Variants in TAOK1 observed in about 807,000 individuals in gnomAD.
TAOK1 encodes serine/threonine-protein kinase TAO1.
TAOK1 carries 21 observed loss-of-function variants against 138.3 expected under a neutral mutation model. The ratio of observed to expected loss-of-function variants is 0.15; its 90% CI spans 0.11 to 0.22. The LOEUF (loss-of-function observed/expected upper bound fraction) is 0.22, where lower values mean the gene tolerates loss of function less well. TAOK1 is among the 10% of genes least tolerant of loss of function. The pLI is 1.00. For synonymous variants in TAOK1, 361 were observed against 398.4 expected (o/e 0.91, Z 1.12); for missense variants, 651 against 1,227.7 (o/e 0.53, Z 7.02).
At chr17:29,495,776 C>T (rs371654900) in intron 11 of TAOK1, 49 bp downstream of exon 11, 8 of 1,421,748 alleles carry the variant, frequency 5.6e-6, no homozygotes, top group Non-Finnish European at 6.5e-6. Context: ...CTTTTGGTTT[C>T]TTTCCTTATG....
At chr17:29,493,266 G>A (rs545764708) in intron 10 of TAOK1, among the ~76,000 whole-genome samples, 6 of 152,202 alleles carry the variant, frequency 3.9e-5, no homozygotes, top group South Asian at 2.1e-4. Flanking sequence ...AGGCCGAGGC[G>A]GGTGGATCAC....
Position 29,491,820 on chromosome 17 carries a change from C to A in TAOK1, c.786C>A (p.Leu262=), listed in dbSNP as rs1318243913. 6.2e-7 allele frequency: 1 copy of A among 1,613,740 alleles called. No individual in the cohort carries two copies. Among genetic ancestry groups the A allele is most frequent in the Non-Finnish European group, 8.5e-7 (1 of 1,179,794 alleles). ...DYFRNFVDSC[L]QKIPQDRPTS... is the part of the protein sequence containing the mutation. ...TTCGCAACTTTGTAGATTCTTGCCT[C>A]CAGAAAATCCCTCAAGATCGACCTA... Residue 262 remains leucine, a synonymous_variant, in exon 10 of 20, where the codon CTC becomes CTA. Coordinates refer to ENST00000261716, the MANE Select transcript of TAOK1 (RefSeq NM_020791.4).
chr17:29,467,010 A>C, intron 2 of TAOK1, 135 bp from the exon 3 acceptor site: 1 of 490,400 alleles, frequency 2.0e-6, no homozygotes, highest in Non-Finnish European at 3.5e-6. Flanking sequence ...GTTATTTTTA[A>C]AATTTTCTTT....
At chr17:29,420,626 C>T (rs1466924427) in intron 1 of TAOK1, among the ~76,000 whole-genome samples, 41 of 128,270 alleles carry the variant, frequency 3.2e-4, no homozygotes, top group African/African-American at 1.2e-3. Flanking sequence ...GCTCTTGTTG[C>T]CCAGGCTAGA....
intron 14 of TAOK1, among the ~76,000 whole-genome samples, chr17:29,510,563 T>C (rs546924165): frequency 4.6e-5 from 7 of 152,316 alleles, no homozygotes; most frequent in African/African-American, 1.7e-4. Flanking sequence ...TTTGTTTTAC[T>C]GAGGGATTGA....
At chr17:29,493,212 T>G (rs980384750) in intron 10 of TAOK1, among the ~76,000 whole-genome samples, 1 of 143,314 alleles carries the variant, frequency 7.0e-6, no homozygotes, top group Non-Finnish European at 1.5e-5. Flanking sequence ...AAAGTAAGAA[T>G]GGCCGGGCGC....
chr17:29,428,074 A>G (rs1034602527), intron 1 of TAOK1, among the ~76,000 whole-genome samples: 2 of 152,196 alleles, frequency 1.3e-5, no homozygotes, highest in Non-Finnish European at 2.9e-5. Context: ...TGCCACCCAA[A>G]TGAATAAGTG....
intron 19 of TAOK1, among the ~76,000 whole-genome samples, chr17:29,539,216 T>C (rs2032273407): frequency 6.6e-6 from 1 of 152,098 alleles, no homozygotes; most frequent in Admixed American, 6.6e-5. Context: ...TGAGCCAAGA[T>C]TGCACCACTG....
rs1406715847 is a variant in TAOK1 at position 29,543,269 on chromosome 17, G to A, written c.*247G>A. On this transcript the variant is annotated 3_prime_UTR_variant, in exon 20 of 20. Transcript: ENST00000261716. The stretch of plus-strand genomic sequence containing the variant: ...AGTGGAGTTGATATTAAAAATAAAT[G>A]TGTATGTGTGTACATATATATACAC... The A allele has an allele frequency of 5.4e-6, 2 of 370,206 alleles. No homozygotes were observed. Among genetic ancestry groups the A allele is most frequent in the African/African-American group, 2.0e-5 (1 of 49,456 alleles). The allele number at this position is 370,206 out of a possible 1,614,324, so 22.9% of individuals were successfully genotyped here. A position where few individuals can be genotyped will look rare whatever the true frequency, so the allele number is the denominator to read the frequency against.
At chr17:29,413,881 CT>C (rs34539579) in intron 1 of TAOK1, among the ~76,000 whole-genome samples, 85 of 101,240 alleles carry the variant, frequency 8.4e-4, no homozygotes, top group South Asian at 1.8e-3. Flanking sequence ...TTTCTGGCTT[CT>C]TTTTTTTTTT....
rs1296373819 is a variant in TAOK1, at chr17:29,522,393, C to T, written c.2022C>T (p.Arg674=). 4 of 1,614,050 alleles carry T rather than the reference C, an allele frequency of 2.5e-6. No homozygotes were observed. The Admixed American group carries it at 6.7e-5, about 27-fold the overall frequency. Residue 674 remains arginine (R), a synonymous_variant, in exon 17 of 20, where the codon CGC becomes CGT. Coordinates refer to ENST00000261716, the MANE Select transcript of TAOK1 (RefSeq NM_020791.4). The part of the protein sequence containing the change: ...FRHLNTIQKM[R]CELIRLQHQT... Reference sequence around the variant, plus strand: ...ACCTCAACACAATTCAGAAGATGCGCTGTGAGTTGATCAGATTACAGCATC... The same window carrying T: ...ACCTCAACACAATTCAGAAGATGCGTTGTGAGTTGATCAGATTACAGCATC...
intron 1 of TAOK1, among the ~76,000 whole-genome samples, chr17:29,439,606 T>TA (rs1285982384): frequency 6.6e-6 from 1 of 152,152 alleles, no homozygotes; most frequent in Non-Finnish European, 1.5e-5. Context: ...CCAGAACAGT[T>TA]ACCTGTGTAT....
intron 1 of TAOK1, among the ~76,000 whole-genome samples, chr17:29,435,601 C>T (rs1906002836): frequency 6.6e-6 from 1 of 152,146 alleles, no homozygotes; most frequent in Admixed American, 6.5e-5. Context: ...ACATTCTTTA[C>T]TGACCACAGG....
At chr17:29,518,407 C>G (rs1322459565) in intron 16 of TAOK1, among the ~76,000 whole-genome samples, 2 of 152,172 alleles carry the variant, frequency 1.3e-5, no homozygotes, top group Non-Finnish European at 2.9e-5. Flanking sequence ...ATTGCCTGAG[C>G]CCAGGAGGTT....
intron 8 of TAOK1, among the ~76,000 whole-genome samples, chr17:29,483,282 T>C (rs1413095013): frequency 6.6e-6 from 1 of 152,130 alleles, no homozygotes; most frequent in African/African-American, 2.4e-5. Flanking sequence ...TTCGCCATGA[T>C]GCCCAGGCTG....
Position 29,427,910 on chromosome 17 carries a change from C to T in TAOK1, c.-94-23545C>T, listed in dbSNP as rs560325456. On this transcript the variant is annotated intron_variant, in intron 1 of 19. Transcript: ENST00000261716. Reference sequence around the variant, plus strand: ...CACTGCACTCCAGCCTGGGCAACAGCGTGAGACTCTGTCTCAAAAAAAAAA... The same window carrying T: ...CACTGCACTCCAGCCTGGGCAACAGTGTGAGACTCTGTCTCAAAAAAAAAA... Among the ~76,000 whole-genome samples, 8 of 128,826 alleles carry T rather than the reference C, an allele frequency of 6.2e-5. No individual in the cohort carries two copies. The East Asian group carries it at 9.3e-4, about 15-fold the overall frequency. 84.5% of individuals were successfully genotyped at this position (128,826 alleles called of 152,430 possible).
chr17:29,392,720 A>G (rs913492651), intron 1 of TAOK1, among the ~76,000 whole-genome samples: 2 of 152,228 alleles, frequency 1.3e-5, no homozygotes, highest in African/African-American at 4.8e-5. Flanking sequence ...GAAGAAGACT[A>G]AAATGTGTAC....
At chr17:29,482,151 T>C in intron 7 of TAOK1, 46 bp from the exon 8 acceptor site, 1 of 1,408,240 alleles carries the variant, frequency 7.1e-7, no homozygotes, top group African/African-American at 1.4e-5. Flanking sequence ...AAGGATAGAA[T>C]ACTTTTTAAA....
Position 29,550,685 on chromosome 17 carries a change from C to T in TAOK1, c.*7663C>T, listed in dbSNP as rs940705235. 10 of 152,130 alleles carry T rather than the reference C, an allele frequency of 6.6e-5. No homozygotes were observed. The highest frequency in any genetic ancestry group is 1.9e-4 in the African/African-American group (8 of 41,488). 9.4% of individuals were successfully genotyped at this position (152,130 alleles called of 1,614,324 possible). ...TTAAGAGCATCTTGAATGTATAATC[C>T]TTTTTGTAACCCAGGTTGGTTTCTA... On this transcript the variant is annotated 3_prime_UTR_variant, in exon 20 of 20. Transcript: ENST00000261716.
Sources: gnomAD v4.1 joint callset for allele counts (sites outside exome capture counted in the v4.1 genomes callset) on GRCh38, gnomAD v4.1.1 for gene constraint, MANE v1.5 for transcripts, NCBI Gene and HGNC (gene_info 2026-07-23, HGNC 2026-07-21) for gene names.